REPS1: variants seen among roughly 807,000 people sequenced by gnomAD.
The protein encoded by REPS1 is ralBP1-associated Eps domain-containing protein 1.
A neutral mutation model predicts 100.9 loss-of-function variants in REPS1; 39 were observed. The ratio of observed to expected loss-of-function variants is 0.39; its 90% CI spans 0.30 to 0.50. The LOEUF (loss-of-function observed/expected upper bound fraction) is 0.50. REPS1 is among the 20% of genes least tolerant of loss of function. REPS1 has a pLI of 0.86. For synonymous variants in REPS1, 324 were observed against 340.3 expected, an observed-to-expected ratio of 0.95 and a Z score of 0.53; for missense variants, 821 against 968.5, an observed-to-expected ratio of 0.85 and a Z score of 2.02.
intron 1 of REPS1, among the ~76,000 whole-genome samples, chr6:138,986,064 T>C (rs1005138233): frequency 2.0e-5 from 3 of 152,230 alleles, no homozygotes; most frequent in Non-Finnish European, 4.4e-5. Flanking sequence ...GAGAGTACCA[T>C]AGACCACACT....
chr6:138,969,414 T>C (rs1165176382), intron 1 of REPS1, among the ~76,000 whole-genome samples: 1 of 150,860 alleles, frequency 6.6e-6, no homozygotes, highest in African/African-American at 2.4e-5. Context: ...CTTAGCCTCC[T>C]GAGCAGCTAA....
chr6:138,966,956 A>G (rs1784058407), intron 1 of REPS1, among the ~76,000 whole-genome samples: 1 of 152,226 alleles, frequency 6.6e-6, no homozygotes, highest in Non-Finnish European at 1.5e-5. Context: ...TTTGAAGTTC[A>G]TGCTTTGGAA....
chr6:138,984,232 C>T lies in REPS1; in HGVS notation c.153+3298G>A, dbSNP rs147447944. ...TGGAGTAGCTGGGATTACAGGCATG[C>T]GCCACCACATGCGGCTAATTTTGTA... On this transcript the variant is annotated intron_variant, in intron 1 of 19. Transcript: ENST00000450536. 8.3e-3 allele frequency among the ~76,000 whole-genome samples: 1,263 copies of T among 152,066 alleles called. 14 individuals carry two copies. The highest frequency in any genetic ancestry group is 0.027 in the African/African-American group (1,127 of 41,476).
intron 1 of REPS1, among the ~76,000 whole-genome samples, chr6:138,972,258 G>C (rs1356661183): frequency 6.6e-6 from 1 of 152,150 alleles, no homozygotes; most frequent in African/African-American, 2.4e-5. Flanking sequence ...AGTGAGGAGA[G>C]AGTCCTGTAG....
At chr6:138,926,000 A>G (rs1391647961) in intron 10 of REPS1, among the ~76,000 whole-genome samples, 1 of 152,250 alleles carries the variant, frequency 6.6e-6, no homozygotes, top group Non-Finnish European at 1.5e-5. Flanking sequence ...AAAATAAAAG[A>G]TGACATTGCA....
intron 1 of REPS1, among the ~76,000 whole-genome samples, chr6:138,958,006 G>A (rs772281886): frequency 5.3e-5 from 8 of 152,104 alleles, no homozygotes; most frequent in Non-Finnish European, 1.2e-4. Context: ...AAAGGTCAAA[G>A]GAAAAGGCAT....
chr6:138,911,429 T>C (rs1288905260), intron 16 of REPS1, 58 bp from the exon 17 acceptor site: 13 of 1,062,354 alleles, frequency 1.2e-5, no homozygotes, highest in Non-Finnish European at 1.7e-5. Context: ...TATGCATAAA[T>C]ATAGAATATG....
At chr6:138,932,324 T>C (rs1781533943) in intron 8 of REPS1, among the ~76,000 whole-genome samples, 1 of 152,068 alleles carries the variant, frequency 6.6e-6, no homozygotes, top group South Asian at 2.1e-4. Context: ...TCCCCAAGAC[T>C]CTTTTAAAAG....
chr6:138,987,506 G>A (rs1375627497), intron 1 of REPS1, 24 bp downstream of exon 1: 2 of 1,541,734 alleles, frequency 1.3e-6, no homozygotes, highest in East Asian at 2.5e-5. Context: ...TAAGCCGCCC[G>A]CCGGCCCCGG....
At chr6:138,963,995 A>T (rs1202188892) in intron 1 of REPS1, among the ~76,000 whole-genome samples, 2 of 152,188 alleles carry the variant, frequency 1.3e-5, no homozygotes, top group African/African-American at 2.4e-5. Flanking sequence ...AAATGCAATC[A>T]TTTCAACCCT....
intron 4 of REPS1, among the ~76,000 whole-genome samples, 168 bp downstream of exon 4, chr6:138,945,048 TACA>T (rs1782517111): frequency 6.6e-6 from 1 of 152,230 alleles, no homozygotes; most frequent in South Asian, 2.1e-4. Flanking sequence ...TCCTTCAATT[TACA>T]ACCCTAAATA....
chr6:138,928,825 T>G (rs1354805976), intron 9 of REPS1: 1 of 152,176 alleles, frequency 6.6e-6, no homozygotes, highest in Non-Finnish European at 1.5e-5. Flanking sequence ...CCATAAACCC[T>G]CTCTATTAGC....
chr6:138,921,890 T>A (rs1234290074), intron 10 of REPS1, among the ~76,000 whole-genome samples: 1 of 151,970 alleles, frequency 6.6e-6, no homozygotes, highest in Non-Finnish European at 1.5e-5. Context: ...GGAGGATCCT[T>A]GAGCCTGGGG....
chr6:138,944,050 T>A (rs192912154), intron 5 of REPS1, 35 bp from the exon 6 acceptor site: 15 of 1,593,420 alleles, frequency 9.4e-6, no homozygotes, highest in East Asian at 4.5e-5. Flanking sequence ...GTACAATATC[T>A]ACCTACATGA....
At chr6:138,911,075 G>A (rs1779973176) in intron 17 of REPS1, 2 of 458,206 alleles carry the variant, frequency 4.4e-6, no homozygotes, top group African/African-American at 2.0e-5. Flanking sequence ...TAAATTTTGA[G>A]AACCTGTGAC....
chr6:138,926,108 T>C (rs1781101256), intron 10 of REPS1, among the ~76,000 whole-genome samples: 1 of 152,182 alleles, frequency 6.6e-6, no homozygotes, highest in Non-Finnish European at 1.5e-5. Flanking sequence ...GTATATAAAA[T>C]ATACACTTAA....
chr6:138,922,073 T>C lies in REPS1; in HGVS notation c.1339-949A>G, dbSNP rs7341269. On this transcript the variant is annotated intron_variant, in intron 10 of 19. Coordinates refer to ENST00000450536, the MANE Select transcript of REPS1 (RefSeq NM_001286611.2). ...GACAATATTAAAAAGTGAGGAATGA[T>C]CTGATAAAATTATGCAAATGTGAGC... Among the ~76,000 whole-genome samples, 592 of 152,160 alleles carry C rather than the reference T, an allele frequency of 3.9e-3. 5 individuals are homozygous for C. Among genetic ancestry groups the C allele is most frequent in the African/African-American group, 0.013 (559 of 41,506 alleles).
At chr6:138,971,957 T>C (rs1015180832) in intron 1 of REPS1, among the ~76,000 whole-genome samples, 4 of 152,344 alleles carry the variant, frequency 2.6e-5, no homozygotes, top group Non-Finnish European at 4.4e-5. Flanking sequence ...ACATCTATTA[T>C]GTGTTTTTGC....
chr6:138,919,801 AT>A (rs1247471786), intron 12 of REPS1, among the ~76,000 whole-genome samples: 1 of 152,134 alleles, frequency 6.6e-6, no homozygotes, highest in Non-Finnish European at 1.5e-5. Flanking sequence ...TATAAGAGTT[AT>A]TTTTTATCTC....
Sources: allele counts gnomAD v4.1 joint callset (sites outside exome capture counted in the v4.1 genomes callset), GRCh38; gene constraint gnomAD v4.1.1; transcripts MANE v1.5; gene names NCBI Gene and HGNC (gene_info 2026-07-23, HGNC 2026-07-21).